The following FAM210A variants were observed in gnomAD, a reference collection of about 807,000 sequenced individuals.
FAM210A encodes the protein family with sequence similarity 210 member A.
In FAM210A, 13 loss-of-function variants were observed where a neutral mutation model predicts 25.3. The ratio of observed to expected loss-of-function variants is 0.51; its 90% CI spans 0.33 to 0.82. FAM210A has a LOEUF of 0.82. FAM210A is among the 40% of genes least tolerant of loss of function. FAM210A has a pLI of 0.02. For synonymous variants in FAM210A, 125 were observed against 118.7 expected, an observed-to-expected ratio of 1.05 and a Z score of -0.35; for missense variants, 319 against 323.2, an observed-to-expected ratio of 0.99 and a Z score of 0.10.
chr18:13,694,959 A>G (rs2043679700), intron 1 of FAM210A, among the ~76,000 whole-genome samples: 1 of 152,258 alleles, frequency 6.6e-6, no homozygotes, highest in Non-Finnish European at 1.5e-5. Context: ...AACTTTTATA[A>G]TCTACCCATC....
At chr18:13,706,179 A>C (rs571937721) in intron 1 of FAM210A, among the ~76,000 whole-genome samples, 31 of 152,280 alleles carry the variant, frequency 2.0e-4, no homozygotes, top group Admixed American at 9.1e-4. Context: ...CTGTACACCC[A>C]CTGGAACCCT....
chr18:13,666,714 C>T lies in FAM210A; in HGVS notation c.586-1G>A. 6.2e-7 allele frequency: 1 copy of T among 1,608,736 alleles called. No individual in the cohort carries two copies. Among genetic ancestry groups the T allele is most frequent in the Non-Finnish European group, 8.5e-7 (1 of 1,176,458 alleles). ...CGGTATACCGAGCAGGTGTTGCAAT[C>T]TTAAGCAAAAAGCAAACAGAGGCAA... On this transcript the variant is annotated splice_acceptor_variant, in intron 3 of 3. Transcript: ENST00000651643. LOFTEE classifies it high-confidence loss of function.
At chr18:13,712,339 A>G (rs747036697) in intron 1 of FAM210A, among the ~76,000 whole-genome samples, 1 of 152,242 alleles carries the variant, frequency 6.6e-6, no homozygotes, top group Non-Finnish European at 1.5e-5. Flanking sequence ...CAATTAATGC[A>G]GAACTTAAAG....
chr18:13,700,247 C>T (rs1363661182), intron 1 of FAM210A, among the ~76,000 whole-genome samples: 3 of 152,258 alleles, frequency 2.0e-5, no homozygotes, highest in Admixed American at 6.5e-5. Context: ...TTTGATAACC[C>T]TTCCATTGGA....
chr18:13,709,942 C>T (rs1293508485), intron 1 of FAM210A, among the ~76,000 whole-genome samples: 3 of 152,220 alleles, frequency 2.0e-5, no homozygotes, highest in African/African-American at 7.2e-5. Flanking sequence ...TCTAGCATGG[C>T]TGACTCCATC....
intron 1 of FAM210A, among the ~76,000 whole-genome samples, chr18:13,690,007 C>A (rs1254072543): frequency 6.6e-6 from 1 of 152,200 alleles, no homozygotes; most frequent in Non-Finnish European, 1.5e-5. Flanking sequence ...CCTTTCCTAG[C>A]AAAGGGAAGC....
intron 1 of FAM210A, among the ~76,000 whole-genome samples, chr18:13,713,280 C>CT (rs932994990): frequency 2.8e-4 from 43 of 152,226 alleles, no homozygotes; most frequent in African/African-American, 8.9e-4. Context: ...TTCAACATAA[C>CT]TTAACAACAT....
At chr18:13,691,083 C>T (rs1164124584) in intron 1 of FAM210A, among the ~76,000 whole-genome samples, 1 of 152,134 alleles carries the variant, frequency 6.6e-6, no homozygotes, top group Non-Finnish European at 1.5e-5. Flanking sequence ...AGCTGAAAAC[C>T]ATAGCACGAG....
intron 1 of FAM210A, among the ~76,000 whole-genome samples, chr18:13,698,349 CT>C (rs2043711915): frequency 1.9e-5 from 1 of 51,468 alleles, no homozygotes; most frequent in Admixed American, 3.0e-4. Flanking sequence ...GAGACTCCAT[CT>C]CAAAAAAAAA....
At chr18:13,688,492 T>C (rs576712657) in intron 1 of FAM210A, among the ~76,000 whole-genome samples, 2 of 152,310 alleles carry the variant, frequency 1.3e-5, no homozygotes, top group Admixed American at 6.5e-5. Flanking sequence ...TCTCAGCCCC[T>C]TTCCAGCTCC....
chr18:13,723,315 A>T (rs1427225442), intron 1 of FAM210A, among the ~76,000 whole-genome samples: 1 of 152,202 alleles, frequency 6.6e-6, no homozygotes, highest in African/African-American at 2.4e-5. Context: ...TCAGCACCCA[A>T]ATTTGAATCA....
rs1267825071 is a variant in FAM210A at position 13,665,456 on chromosome 18, AAGC to A, written c.*1021_*1023del. On this transcript the variant is annotated 3_prime_UTR_variant, in exon 4 of 4. Coordinates refer to ENST00000651643, the MANE Select transcript of FAM210A (RefSeq NM_152352.4). ...ATATTTCCCTTCAATGTAAGACAAA[AAGC>A]AGCAGCCACAATTTAAAACTTTACT... 6.6e-6 allele frequency: 1 copy of A among 150,904 alleles called. No homozygotes were observed. Among genetic ancestry groups the A allele is most frequent in the Non-Finnish European group, 1.5e-5 (1 of 67,812 alleles). The allele number at this position is 150,904 out of a possible 1,614,324, so 9.3% of individuals were successfully genotyped here. A position where few individuals can be genotyped will look rare whatever the true frequency, so the allele number is the denominator to read the frequency against.
intron 1 of FAM210A, among the ~76,000 whole-genome samples, chr18:13,706,108 G>T (rs1249836067): frequency 1.3e-5 from 2 of 152,124 alleles, no homozygotes; most frequent in African/African-American, 4.8e-5. Context: ...CAAAACTTCA[G>T]GACCTTGTAT....
chr18:13,676,844 T>C (rs2043507943), intron 2 of FAM210A, among the ~76,000 whole-genome samples: 1 of 152,148 alleles, frequency 6.6e-6, no homozygotes, highest in Non-Finnish European at 1.5e-5. Flanking sequence ...TCACGTTAAG[T>C]ACTTTCGCAC....
chr18:13,676,896 C>T (rs1268302655), intron 2 of FAM210A, among the ~76,000 whole-genome samples: 1 of 152,090 alleles, frequency 6.6e-6, no homozygotes, highest in African/African-American at 2.4e-5. Context: ...CAGCACATCA[C>T]AACAAGGGAC....
intron 1 of FAM210A, among the ~76,000 whole-genome samples, chr18:13,684,312 T>C (rs917278198): frequency 4.0e-5 from 6 of 151,868 alleles, no homozygotes; most frequent in Non-Finnish European, 7.4e-5. Flanking sequence ...GGCAGGAGAA[T>C]CATTTGAACC....
chr18:13,692,896 C>T (rs1449175376), intron 1 of FAM210A, among the ~76,000 whole-genome samples: 1 of 151,766 alleles, frequency 6.6e-6, no homozygotes, highest in East Asian at 1.9e-4. Flanking sequence ...TAACTAAGAT[C>T]AGAGCAGAAC....
At chr18:13,682,465 G>T (rs2043563718) in intron 1 of FAM210A, among the ~76,000 whole-genome samples, 1 of 152,124 alleles carries the variant, frequency 6.6e-6, no homozygotes. Context: ...CTACTCAGGA[G>T]GCTGAGGCAG....
chr18:13,694,689 T>C (rs9960364), intron 1 of FAM210A, among the ~76,000 whole-genome samples: 126,440 of 152,136 alleles, frequency 0.83, 53,627 homozygotes, highest in East Asian at 0.95. Flanking sequence ...ACTGGATCCC[T>C]TCCTTACACC....
Sources: gnomAD v4.1 joint callset for allele counts (sites outside exome capture counted in the v4.1 genomes callset) on GRCh38, gnomAD v4.1.1 for gene constraint, MANE v1.5 for transcripts, NCBI Gene and HGNC (gene_info 2026-07-23, HGNC 2026-07-21) for gene names.